LAMA3: variants seen among roughly 807,000 people sequenced by gnomAD.
The protein encoded by LAMA3 is laminin subunit alpha-3.
A neutral mutation model predicts 402.0 loss-of-function variants in LAMA3; 281 were observed. That is an observed-to-expected ratio of 0.70 (90% CI 0.63 to 0.77). The LOEUF is 0.77. Ranked by LOEUF, LAMA3 falls within the 30% of genes least tolerant of loss-of-function variation. LAMA3 has a pLI of 0.00. For missense variants in LAMA3, 3,840 were observed against 4,215.5 expected, an observed-to-expected ratio of 0.91 and a Z score of 2.47; for synonymous variants, 1,431 against 1,558.4, an observed-to-expected ratio of 0.92 and a Z score of 1.93.
At chr18:23,699,789 T>C (rs998064372) in intron 1 of LAMA3, among the ~76,000 whole-genome samples, 1 of 152,146 alleles carries the variant, frequency 6.6e-6, no homozygotes, top group Non-Finnish European at 1.5e-5. Context: ...GAGTGACAGC[T>C]AGGAAAATAA....
chr18:23,797,639 C>T (rs543760980), intron 12 of LAMA3, among the ~76,000 whole-genome samples: 55 of 151,738 alleles, frequency 3.6e-4, no homozygotes, highest in African/African-American at 1.3e-3. Flanking sequence ...TGCATGATCC[C>T]GGGAGGCAGA....
intron 1 of LAMA3, among the ~76,000 whole-genome samples, chr18:23,711,138 C>T (rs2060981801): frequency 6.6e-6 from 1 of 152,130 alleles, no homozygotes; most frequent in Admixed American, 6.6e-5. Context: ...AAGTTTGACT[C>T]ATTTTTATTA....
At chr18:23,722,242 T>C (rs1341555454) in intron 2 of LAMA3, among the ~76,000 whole-genome samples, 4 of 152,208 alleles carry the variant, frequency 2.6e-5, no homozygotes, top group South Asian at 2.1e-4. Flanking sequence ...GGCTATCTTC[T>C]TTCTGAGATA....
intron 30 of LAMA3, 27 bp downstream of exon 30, chr18:23,845,151 T>C (rs1427382737): frequency 1.5e-6 from 2 of 1,347,698 alleles, no homozygotes; most frequent in South Asian, 2.3e-5. Flanking sequence ...GGGAAGGCTC[T>C]GGAATGCAGA....
chr18:23,842,657 T>C lies in LAMA3; in HGVS notation c.3510T>C (p.Asp1170=), dbSNP rs1250290235. 1.9e-6 allele frequency: 3 copies of C among 1,614,134 alleles called. No individual in the cohort carries two copies. The highest frequency in any genetic ancestry group is 2.7e-5 in the African/African-American group (2 of 75,038). Residue 1170 remains aspartate (D), a synonymous_variant, in exon 29 of 75, where the codon GAT becomes GAC. Coordinates refer to ENST00000313654, the MANE Select transcript of LAMA3 (RefSeq NM_198129.4). ...SFCPHVLGCR[D]QVIAEGQIEF... ...GCCCCCATGTGCTTGGCTGCCGGGA[T>C]CAAGTGATTGCCGAAGGCCAGATTG...
At chr18:23,749,377 C>A in intron 3 of LAMA3, 51 bp from the exon 4 acceptor site, 1 of 965,360 alleles carries the variant, frequency 1.0e-6, no homozygotes, top group Non-Finnish European at 1.6e-6. Flanking sequence ...AAGAGATTTG[C>A]AACAAAATGA....
chr18:23,931,768 CT>C, intron 65 of LAMA3: 1 of 270,632 alleles, frequency 3.7e-6, no homozygotes, highest in Non-Finnish European at 7.1e-6. Flanking sequence ...GGGAGGGAGG[CT>C]ATAGGGTTAA....
At position 23,826,751 on chromosome 18, in the gene LAMA3, A is replaced by C. The variant is rs1242114747; in HGVS notation, c.2621A>C (p.Gln874Pro). The C allele has an allele frequency of 1.3e-6, 2 of 1,567,070 alleles. No individual in the cohort carries two copies. Among genetic ancestry groups the C allele is most frequent in the East Asian group, 4.6e-5 (2 of 43,194 alleles). The change falls in exon 22 of 75, where the codon CAG becomes CCG. Residue 874 changes from glutamine (Q) to proline (P), a missense_variant. By Grantham distance (76) the Gln-to-Pro change is moderately conservative. Coordinates refer to ENST00000313654, the MANE Select transcript of LAMA3 (RefSeq NM_198129.4). The part of the protein sequence containing the change: ...PRDYYEASVL[Q>P]LPVTEPCAYA... ...GACTACTATGAAGCCTCTGTACTGC[A>C]GCTGCCAGTCACAGAACCATGTGCC...
At position 23,846,156 on chromosome 18, in the gene LAMA3, A is replaced by G. The variant is rs968381902; in HGVS notation, c.3720-141A>G. 1.9e-5 allele frequency: 17 copies of G among 874,028 alleles called. No homozygotes were observed. In the African/African-American group the frequency reaches 2.6e-4, roughly 14 times the overall value. The allele number at this position is 874,028 out of a possible 1,614,324, so 54.1% of individuals were successfully genotyped here. On this transcript the variant is annotated intron_variant, in intron 30 of 74. Coordinates refer to ENST00000313654, the MANE Select transcript of LAMA3 (RefSeq NM_198129.4). ...TCACCGGCTGAGTCTGAGGTGGGGTATTTCCCACTCTTCCCTGACTCCAGA... is the reference window on the plus strand; with the variant it reads ...TCACCGGCTGAGTCTGAGGTGGGGTGTTTCCCACTCTTCCCTGACTCCAGA...
At chr18:23,815,340 T>A (rs2144335043) in intron 16 of LAMA3, 100 bp downstream of exon 16, 1 of 1,351,846 alleles carries the variant, frequency 7.4e-7, no homozygotes, top group Non-Finnish European at 1.1e-6. Context: ...CATTCTACAG[T>A]GCATGGTAAT....
At position 23,884,818 on chromosome 18, in the gene LAMA3, C is replaced by T; in HGVS notation, c.5268C>T (p.Ser1756=). Residue 1756 remains serine (S), a synonymous_variant, in exon 41 of 75, where the codon TCC becomes TCT. Transcript: ENST00000313654. Reference sequence around the variant, plus strand: ...TGAATGGGGGAGACGTGCGGTGCTCCTGCAAAGCTGGGTACACAGGAACAC... The same window carrying T: ...TGAATGGGGGAGACGTGCGGTGCTCTTGCAAAGCTGGGTACACAGGAACAC... ...CVVNGGDVRC[S]CKAGYTGTQC... is the part of the protein sequence containing the mutation. 2 of 1,613,792 alleles carry T rather than the reference C, an allele frequency of 1.2e-6. No homozygotes were observed. The highest frequency in any genetic ancestry group is 1.7e-6 in the Non-Finnish European group (2 of 1,179,908).
intron 12 of LAMA3, among the ~76,000 whole-genome samples, chr18:23,790,856 T>A (rs937944391): frequency 6.6e-6 from 1 of 152,034 alleles, no homozygotes; most frequent in African/African-American, 2.4e-5. Context: ...GAGATAAACA[T>A]GAAGAACTAG....
intron 12 of LAMA3, among the ~76,000 whole-genome samples, chr18:23,807,952 G>A (rs975895462): frequency 3.9e-5 from 6 of 152,184 alleles, no homozygotes; most frequent in African/African-American, 9.7e-5. Context: ...GGGACTATGG[G>A]CCATGAGAGA....
At chr18:23,782,104 A>G (rs1431564422) in intron 11 of LAMA3, among the ~76,000 whole-genome samples, 1 of 152,226 alleles carries the variant, frequency 6.6e-6, no homozygotes, top group Non-Finnish European at 1.5e-5. Context: ...TACTTTTCAT[A>G]TTAACTACTA....
At chr18:23,769,965 G>A (rs1335054517) in intron 8 of LAMA3, among the ~76,000 whole-genome samples, 2 of 152,286 alleles carry the variant, frequency 1.3e-5, no homozygotes, top group East Asian at 3.9e-4. Context: ...AAAAATATCA[G>A]GCAAAGTAAA....
Position 23,753,784 on chromosome 18 carries a change from G to A in LAMA3, c.919G>A (p.Val307Met). Residue 307 changes from valine to methionine, a missense_variant, in exon 6 of 75, where the codon GTG becomes ATG. Physicochemically the swap from Val to Met is conservative, Grantham distance 21 (BLOSUM62 1). Transcript: ENST00000313654. ...GTGTGTTTGCAATGGCCATGCTGAA[G>A]TGTGCAATATAAACAATCCTGAAAA... is the stretch of plus-strand genomic sequence containing the variant. ...GQCVCNGHAE[V>M]CNINNPEKLF... The A allele has an allele frequency of 6.2e-7, 1 of 1,613,822 alleles. No homozygotes were observed. The highest frequency in any genetic ancestry group is 1.1e-5 in the South Asian group (1 of 91,072).
At chr18:23,909,427 G>C (rs573815571) in intron 55 of LAMA3, 132 bp downstream of exon 55, 1 of 830,138 alleles carries the variant, frequency 1.2e-6, no homozygotes, top group African/African-American at 1.7e-5. Flanking sequence ...TGTGTTGCTT[G>C]AATATAAAGA....
intron 2 of LAMA3, among the ~76,000 whole-genome samples, chr18:23,743,059 A>G (rs551295532): frequency 5.9e-5 from 9 of 152,314 alleles, no homozygotes; most frequent in Middle Eastern, 3.4e-3. Context: ...AGGATATAGG[A>G]GTGATTAAGA....
rs377267376 is a variant in LAMA3 at position 23,903,975 on chromosome 18, G to A, written c.6361G>A (p.Glu2121Lys). 1.6e-5 allele frequency: 26 copies of A among 1,613,888 alleles called. No homozygotes were observed. In the South Asian group the frequency reaches 2.2e-4, roughly 14 times the overall value. The change falls in exon 50 of 75, where the codon GAA becomes AAA. Residue 2121 changes from glutamate (E) to lysine (K), a missense_variant. Physicochemically the swap from Glu to Lys is moderately conservative, Grantham distance 56 (BLOSUM62 1). Transcript: ENST00000313654. ...LAASLNEARQ[E>K]LSDKVRELSR... is the part of the protein sequence containing the mutation. ...TGCCAGTTTAAATGAAGCAAGACAA[G>A]AACTAAGTGACAAAGTAAGAGAACT...
Sources: allele counts gnomAD v4.1 joint callset (sites outside exome capture counted in the v4.1 genomes callset), GRCh38; gene constraint gnomAD v4.1.1; transcripts MANE v1.5; gene names NCBI Gene and HGNC (gene_info 2026-07-23, HGNC 2026-07-21).